The following ST8SIA5 variants were observed in gnomAD, a reference collection of about 807,000 sequenced individuals.
ST8SIA5 encodes the protein alpha-2,8-sialyltransferase 8E.
ST8SIA5 carries 24 observed loss-of-function variants against 40.2 expected under a neutral mutation model. That is an observed-to-expected ratio of 0.60 (90% CI 0.43 to 0.84). ST8SIA5 has a LOEUF of 0.84. ST8SIA5 is among the 40% of genes least tolerant of loss of function. The pLI is 0.00. For synonymous variants in ST8SIA5, 198 were observed against 201.8 expected (o/e 0.98, Z 0.16); for missense variants, 465 against 498.5 (o/e 0.93, Z 0.64).
chr18:46,745,499 C>T (rs2040130562), intron 1 of ST8SIA5, among the ~76,000 whole-genome samples: 1 of 152,188 alleles, frequency 6.6e-6, no homozygotes, highest in Non-Finnish European at 1.5e-5. Flanking sequence ...CGCATACACC[C>T]TCCCAAGACT....
chr18:46,686,114 A>G (rs902514081), intron 5 of ST8SIA5, 60 bp downstream of exon 5: 2 of 1,525,054 alleles, frequency 1.3e-6, no homozygotes. Context: ...GAACCGGGGG[A>G]AGAATATGGA....
chr18:46,677,453 C>T lies in ST8SIA5; in HGVS notation c.*2589G>A, dbSNP rs973499069. 6.6e-6 allele frequency: 1 copy of T among 152,194 alleles called. No homozygotes were observed. Among genetic ancestry groups the T allele is most frequent in the African/African-American group, 2.4e-5 (1 of 41,440 alleles). The allele number at this position is 152,194 out of a possible 1,614,324, so 9.4% of individuals were successfully genotyped here. On this transcript the variant is annotated 3_prime_UTR_variant, in exon 7 of 7. Coordinates refer to ENST00000315087, the MANE Select transcript of ST8SIA5 (RefSeq NM_013305.6). ...TACAGGAGATAATATAGGGAAAGTG[C>T]TTAACGTAGCTTGATAAATGCTAGC...
chr18:46,688,060 G>A (rs975681088), intron 4 of ST8SIA5, among the ~76,000 whole-genome samples: 1 of 152,242 alleles, frequency 6.6e-6, no homozygotes, highest in African/African-American at 2.4e-5. Flanking sequence ...GTTCACGTCT[G>A]CAGCTCACTC....
intron 1 of ST8SIA5, among the ~76,000 whole-genome samples, chr18:46,711,881 C>A (rs545263626): frequency 2.0e-5 from 3 of 152,176 alleles, no homozygotes; most frequent in African/African-American, 7.2e-5. Context: ...ACTCATCTGT[C>A]CCCAGGAATT....
intron 1 of ST8SIA5, among the ~76,000 whole-genome samples, chr18:46,725,971 AAATAT>A (rs1429012583): frequency 2.3e-5 from 1 of 42,704 alleles, no homozygotes; most frequent in Non-Finnish European, 3.8e-5. Flanking sequence ...AAAAAAAAAA[AAATAT>A]ATATATATAT....
intron 1 of ST8SIA5, chr18:46,730,157 G>T: frequency 1.0e-6 from 1 of 985,250 alleles, no homozygotes; most frequent in Non-Finnish European, 1.2e-6. Context: ...AGCCCCAGAA[G>T]TGGCCACTTT....
In ST8SIA5 at chr18:46,680,041, A is replaced by G. The variant is rs536769837; in HGVS notation, c.*1T>C. 7 of 1,598,720 alleles carry G rather than the reference A, an allele frequency of 4.4e-6. No homozygotes were observed. In the South Asian group the frequency reaches 5.6e-5, roughly 13 times the overall value. Reference sequence around the variant, plus strand: ...TTGCCGGGCAGCCTGGCTGGCAGCCATCAGCAGCAGCTGCAGGTGCCCGTG... The same window carrying G: ...TTGCCGGGCAGCCTGGCTGGCAGCCGTCAGCAGCAGCTGCAGGTGCCCGTG... On this transcript the variant is annotated 3_prime_UTR_variant, in exon 7 of 7. Coordinates refer to ENST00000315087, the MANE Select transcript of ST8SIA5 (RefSeq NM_013305.6).
chr18:46,738,158 A>G (rs1371530112), intron 1 of ST8SIA5, among the ~76,000 whole-genome samples: 1 of 152,010 alleles, frequency 6.6e-6, no homozygotes, highest in Non-Finnish European at 1.5e-5. Flanking sequence ...GAGCTAAATT[A>G]GAGAATTATT....
intron 1 of ST8SIA5, among the ~76,000 whole-genome samples, chr18:46,747,026 A>G (rs2144568170): frequency 6.6e-6 from 1 of 152,294 alleles, no homozygotes; most frequent in East Asian, 1.9e-4. Context: ...TATGTAGAAA[A>G]CTGAAACTGG....
chr18:46,733,798 G>A (rs1194788801), intron 1 of ST8SIA5, among the ~76,000 whole-genome samples: 1 of 152,154 alleles, frequency 6.6e-6, no homozygotes, highest in Non-Finnish European at 1.5e-5. Context: ...AGCTTTCACT[G>A]GGGCCAAGTG....
At chr18:46,715,217 G>A (rs796740468) in intron 1 of ST8SIA5, among the ~76,000 whole-genome samples, 28 of 152,310 alleles carry the variant, frequency 1.8e-4, no homozygotes, top group African/African-American at 4.6e-4. Context: ...ACATTGACCC[G>A]GAAGGCTGAA....
chr18:46,725,872 G>A (rs2039912854), intron 1 of ST8SIA5, among the ~76,000 whole-genome samples: 1 of 147,832 alleles, frequency 6.8e-6, no homozygotes, highest in African/African-American at 2.5e-5. Flanking sequence ...TGTAATCCCA[G>A]CACTTTGGTA....
intron 4 of ST8SIA5, among the ~76,000 whole-genome samples, chr18:46,687,634 C>T (rs996169884): frequency 4.6e-5 from 7 of 152,092 alleles, no homozygotes; most frequent in South Asian, 2.1e-4. Context: ...CATTTGACGC[C>T]GCTCACCTGC....
At chr18:46,728,501 C>A (rs1228491215) in intron 1 of ST8SIA5, among the ~76,000 whole-genome samples, 1 of 152,234 alleles carries the variant, frequency 6.6e-6, no homozygotes, top group Non-Finnish European at 1.5e-5. Flanking sequence ...GAGGCTGAAT[C>A]TATGGGGCAC....
At chr18:46,681,123 C>G (rs754754106) in intron 6 of ST8SIA5, among the ~76,000 whole-genome samples, 6 of 152,076 alleles carry the variant, frequency 3.9e-5, no homozygotes, top group Middle Eastern at 3.2e-3. Context: ...AGGTGTGCAC[C>G]ACAACACTTG....
chr18:46,686,687 G>C (rs1171471008), intron 4 of ST8SIA5, among the ~76,000 whole-genome samples: 1 of 152,148 alleles, frequency 6.6e-6, no homozygotes, highest in Non-Finnish European at 1.5e-5. Flanking sequence ...ACTTCTGCGG[G>C]AGACTGTCCT....
intron 1 of ST8SIA5, among the ~76,000 whole-genome samples, chr18:46,747,075 C>T (rs11495844): frequency 0.8 from 121,274 of 152,154 alleles, 48,534 homozygotes; most frequent in East Asian, 0.85. Context: ...TAATTCAAGA[C>T]GGATTAAAGA....
chr18:46,700,773 T>TGA (rs1445883124), intron 2 of ST8SIA5, among the ~76,000 whole-genome samples: 3 of 152,046 alleles, frequency 2.0e-5, no homozygotes, highest in Non-Finnish European at 2.9e-5. Context: ...AAGGCAGAGA[T>TGA]GAGAACCAAA....
chr18:46,743,522 G>C (rs1409928540), intron 1 of ST8SIA5, among the ~76,000 whole-genome samples: 3 of 152,136 alleles, frequency 2.0e-5, no homozygotes, highest in African/African-American at 7.2e-5. Context: ...AGAAAAAAGA[G>C]TAAAAAGAAG....
Sources: gnomAD v4.1 joint callset for allele counts (sites outside exome capture counted in the v4.1 genomes callset) on GRCh38, gnomAD v4.1.1 for gene constraint, MANE v1.5 for transcripts, NCBI Gene and HGNC (gene_info 2026-07-23, HGNC 2026-07-21) for gene names.